The following ACTR1A variants were observed in gnomAD, a reference collection of about 807,000 sequenced individuals.
ACTR1A encodes the protein alpha-centractin.
Under a neutral mutation model 50.7 loss-of-function variants are expected in ACTR1A, and 10 were observed. The ratio of observed to expected loss-of-function variants is 0.20; its 90% CI spans 0.12 to 0.33. ACTR1A has a LOEUF of 0.33. Among genes scored for constraint, ACTR1A ranks in the 10% least tolerant of loss-of-function variants. The pLI, the probability that ACTR1A is intolerant of heterozygous loss-of-function variation, is 1.00. For synonymous variants in ACTR1A, 177 were observed against 184.2 expected (o/e 0.96, Z 0.32); for missense variants, 253 against 491.7 (o/e 0.51, Z 4.59).
intron 4 of ACTR1A, among the ~76,000 whole-genome samples, chr10:102,487,432 T>G (rs1025917089): frequency 6.6e-6 from 1 of 151,530 alleles, no homozygotes; most frequent in Non-Finnish European, 1.5e-5. Context: ...CACACAAAAT[T>G]AGCCGGGCAT....
chr10:102,502,191 G>A (rs578082930), intron 1 of ACTR1A, among the ~76,000 whole-genome samples: 20 of 152,346 alleles, frequency 1.3e-4, no homozygotes, highest in Non-Finnish European at 2.9e-4. Flanking sequence ...TGGCAGGGGC[G>A]TGAGCCAATC....
At position 102,480,717 on chromosome 10, in the gene ACTR1A, G is replaced by A. The variant is rs1325535936; in HGVS notation, c.*146C>T. The A allele has an allele frequency of 2.8e-6, 2 of 717,876 alleles. No homozygotes were observed. Among genetic ancestry groups the A allele is most frequent in the Non-Finnish European group, 4.9e-6 (2 of 406,364 alleles). The allele number at this position is 717,876 out of a possible 1,614,324, so 44.5% of individuals were successfully genotyped here. On this transcript the variant is annotated 3_prime_UTR_variant, in exon 11 of 11. Transcript: ENST00000369905. ...CGTCCTTTCTGGGCCCAGGGTCCCA[G>A]GGCCACACGGCACTCGCATGTGCAC...
chr10:102,496,628 A>G (rs1425308951), intron 1 of ACTR1A, among the ~76,000 whole-genome samples: 1 of 152,232 alleles, frequency 6.6e-6, no homozygotes, highest in Non-Finnish European at 1.5e-5. Context: ...GAAGCTGTAC[A>G]ACCAACAGCC....
rs2062152622 is a variant in ACTR1A at position 102,483,329 on chromosome 10, A to G, written c.658-226T>C. The G allele has an allele frequency of 1.6e-5, 8 of 489,502 alleles. No individual in the cohort carries two copies. The East Asian group carries it at 2.8e-4, about 17-fold the overall frequency. 30.3% of individuals were successfully genotyped at this position (489,502 alleles called of 1,614,324 possible). A position where few individuals can be genotyped will look rare whatever the true frequency, so the allele number is the denominator to read the frequency against. ...AACCGCTCCACCTTCCTGATGGGCAAGCTTGGAAACTTGGCCCCTGGATCC... is the reference window on the plus strand; with the variant it reads ...AACCGCTCCACCTTCCTGATGGGCAGGCTTGGAAACTTGGCCCCTGGATCC... On this transcript the variant is annotated intron_variant, in intron 6 of 10. Transcript: ENST00000369905.
At chr10:102,498,919 T>C (rs1038378406) in intron 1 of ACTR1A, among the ~76,000 whole-genome samples, 1 of 152,172 alleles carries the variant, frequency 6.6e-6, no homozygotes, top group Non-Finnish European at 1.5e-5. Flanking sequence ...TTTTAAAAAA[T>C]ATCTATCATC....
In ACTR1A at chr10:102,479,511, C is replaced by T; in HGVS notation, c.*1352G>A. The T allele has an allele frequency of 1.2e-6, 1 of 821,808 alleles. No individual in the cohort carries two copies. The highest frequency in any genetic ancestry group is 1.5e-5 in the South Asian group (1 of 65,230). The allele number at this position is 821,808 out of a possible 1,614,324, so 50.9% of individuals were successfully genotyped here. A position where few individuals can be genotyped will look rare whatever the true frequency, so the allele number is the denominator to read the frequency against. ...TCACAGGTGAGGGTGCCGGTGAAGA[C>T]AGGCTGGCCCCAGCTTTGCACCATC... is the stretch of plus-strand genomic sequence containing the variant. On this transcript the variant is annotated 3_prime_UTR_variant, in exon 11 of 11. Transcript: ENST00000369905. This position sits in a 1 kb window ranked among gnomAD's most constrained non-coding sequence, Gnocchi z 4.0.
intron 1 of ACTR1A, among the ~76,000 whole-genome samples, chr10:102,498,530 G>T (rs1414938572): frequency 1.3e-5 from 2 of 152,116 alleles, no homozygotes; most frequent in South Asian, 2.1e-4. Context: ...TTTTAAATAG[G>T]CTGGAGTGAG....
chr10:102,489,064 TC>T lies in ACTR1A; in HGVS notation c.187del (p.Glu63ArgfsTer48). On this transcript the variant is annotated frameshift_variant and splice_region_variant, in exon 3 of 11. Coordinates refer to ENST00000369905, the MANE Select transcript of ACTR1A (RefSeq NM_005736.4). LOFTEE classifies it high-confidence loss of function. ...TTGTTCTGTAGGCCTGGGAATTACC[TC>T]AGCTTTGGGGCCAATGAAGATGTCG... ...EGDIFIGPKAEEHRGLLSIRY... is the reference protein window; with the variant it reads ...EGDIFIGPKAXEHRGLLSIRY... 2 of 1,569,008 alleles carry T rather than the reference TC, an allele frequency of 1.3e-6. No individual in the cohort carries two copies. The highest frequency in any genetic ancestry group is 1.8e-5 in the Admixed American group (1 of 54,578).
chr10:102,480,995 TGA>T (rs1564647286), intron 10 of ACTR1A, 30 bp from the exon 11 acceptor site: 3 of 1,595,398 alleles, frequency 1.9e-6, no homozygotes, highest in African/African-American at 2.7e-5. Context: ...AGGAACTGTG[TGA>T]GAGAGAAGTG....
intron 4 of ACTR1A, 86 bp from the exon 5 acceptor site, chr10:102,485,819 GT>G: frequency 1.3e-6 from 2 of 1,567,644 alleles, no homozygotes; most frequent in East Asian, 2.3e-5. Context: ...TGCCTTGCTG[GT>G]TTGAGAGCCC....
intron 1 of ACTR1A, among the ~76,000 whole-genome samples, chr10:102,493,001 CAAA>C (rs398014648): frequency 4.3e-4 from 21 of 48,934 alleles, no homozygotes; most frequent in Admixed American, 1.4e-3. Flanking sequence ...GACTCCACCT[CAAA>C]AAAAAAAAAA....
At chr10:102,483,331 C>A in intron 6 of ACTR1A, 1 of 483,646 alleles carries the variant, frequency 2.1e-6, no homozygotes, top group South Asian at 2.8e-5. Flanking sequence ...GATGGGCAAG[C>A]TTGGAAACTT....
Position 102,482,387 on chromosome 10 carries a change from C to CCTTCT in ACTR1A, c.751-213_751-212insAGAAG. On this transcript the variant is annotated intron_variant, in intron 7 of 10. Coordinates refer to ENST00000369905, the MANE Select transcript of ACTR1A (RefSeq NM_005736.4). The surrounding 1 kb of genome is among the most constrained non-coding windows in gnomAD (Gnocchi z 5.6). Reference sequence around the variant, plus strand: ...GAGGCTCCTATATTTCCTTCTCGCTCTGGCATTTTCCAGCCAAGAGGTCTT... The same window carrying CCTTCT: ...GAGGCTCCTATATTTCCTTCTCGCTCCTTCTTGGCATTTTCCAGCCAAGAGGTCTT... The CCTTCT allele has an allele frequency of 8.5e-6, 5 of 586,946 alleles. No homozygotes were observed. The South Asian group carries it at 1.0e-4, about 12-fold the overall frequency. The allele number at this position is 586,946 out of a possible 1,614,324, so 36.4% of individuals were successfully genotyped here.
rs760358772 is a variant in ACTR1A at position 102,490,529 on chromosome 10, T to C, written c.113+20A>G. 1.1e-5 allele frequency: 17 copies of C among 1,606,170 alleles called. No individual in the cohort carries two copies. In the African/African-American group the frequency reaches 2.0e-4, roughly 19 times the overall value. On this transcript the variant is annotated intron_variant, in intron 2 of 10. Transcript: ENST00000369905. ...AAAGCTGATGAGCCTCCAAAACGTC[T>C]AAGCTACAGAATGACTTACTAGTTT... is the stretch of plus-strand genomic sequence containing the variant.
At chr10:102,493,126 A>T (rs905356464) in intron 1 of ACTR1A, among the ~76,000 whole-genome samples, 1 of 152,148 alleles carries the variant, frequency 6.6e-6, no homozygotes, top group African/African-American at 2.4e-5. Flanking sequence ...TGAAAACAGA[A>T]GACAATGTGC....
At chr10:102,490,810 T>C (rs1211359267) in intron 1 of ACTR1A, among the ~76,000 whole-genome samples, 197 bp from the exon 2 acceptor site, 1 of 152,114 alleles carries the variant, frequency 6.6e-6, no homozygotes, top group African/African-American at 2.4e-5. Context: ...CTAGCCACCA[T>C]GGTGAAAGCC....
intron 1 of ACTR1A, among the ~76,000 whole-genome samples, chr10:102,493,036 A>G (rs1211102682): frequency 6.6e-6 from 1 of 150,572 alleles, no homozygotes; most frequent in East Asian, 1.9e-4. Context: ...AAGTGGTTGA[A>G]GGGCAGAGAA....
chr10:102,488,320 C>T lies in ACTR1A; in HGVS notation c.190-45G>A. 1 of 1,599,850 alleles carries T rather than the reference C, an allele frequency of 6.3e-7. No individual in the cohort carries two copies. Among genetic ancestry groups the T allele is most frequent in the Non-Finnish European group, 8.6e-7 (1 of 1,168,038 alleles). ...CTTACGACTGCAGTCAGGCTCCACCCAGGACCCTGTTCTCCCAAGACTAAG... is the reference window on the plus strand; with the variant it reads ...CTTACGACTGCAGTCAGGCTCCACCTAGGACCCTGTTCTCCCAAGACTAAG... On this transcript the variant is annotated intron_variant, in intron 3 of 10. Transcript: ENST00000369905. This position sits in a 1 kb window ranked among gnomAD's most constrained non-coding sequence, Gnocchi z 4.4.
In ACTR1A at chr10:102,482,726, G is replaced by T. The variant is rs2062149817; in HGVS notation, c.750+285C>A. 1 of 393,226 alleles carries T rather than the reference G, an allele frequency of 2.5e-6. No homozygotes were observed. Among genetic ancestry groups the T allele is most frequent in the Non-Finnish European group, 4.6e-6 (1 of 216,508 alleles). The allele number at this position is 393,226 out of a possible 1,614,324, so 24.4% of individuals were successfully genotyped here. A position where few individuals can be genotyped will look rare whatever the true frequency, so the allele number is the denominator to read the frequency against. On this transcript the variant is annotated intron_variant, in intron 7 of 10. Coordinates refer to ENST00000369905, the MANE Select transcript of ACTR1A (RefSeq NM_005736.4). The surrounding 1 kb of genome is among the most constrained non-coding windows in gnomAD (Gnocchi z 5.6). ...GCTTCCCTGGGCCACATTGGAAGAA[G>T]AATTGTCTTGGGCCACACATAATAT...
Sources: gnomAD v4.1 joint callset for allele counts (sites outside exome capture counted in the v4.1 genomes callset) on GRCh38, gnomAD v4.1.1 for gene constraint, Gnocchi (gnomAD v3.1) non-coding constraint, MANE v1.5 for transcripts, NCBI Gene and HGNC (gene_info 2026-07-23, HGNC 2026-07-21) for gene names.